MYO19: variants seen among roughly 807,000 people sequenced by gnomAD.
MYO19 encodes myosin XIX, also known as unconventional myosin-XIX.
MYO19 carries 132 observed loss-of-function variants against 129.2 expected under a neutral mutation model. The ratio of observed to expected loss-of-function variants is 1.02; its 90% CI spans 0.89 to 1.18. The LOEUF is 1.18. Among genes scored for constraint, MYO19 ranks in the 50% most tolerant of loss-of-function variants. The probability of loss-of-function intolerance (pLI) is 0.00; values close to 1 mark genes in which losing one functional copy is unlikely to be tolerated. For missense variants in MYO19, 1,210 were observed against 1,216.7 expected (o/e 0.99, Z 0.08); for synonymous variants, 531 against 477.2 (o/e 1.11, Z -1.47).
intron 6 of MYO19, among the ~76,000 whole-genome samples, chr17:36,524,088 C>T (rs1412475909): frequency 6.6e-6 from 1 of 152,148 alleles, no homozygotes; most frequent in African/African-American, 2.4e-5. Flanking sequence ...GAGTCTTGGA[C>T]CAGGTTCAGC....
chr17:36,521,206 G>GC (rs2073110212), intron 6 of MYO19, among the ~76,000 whole-genome samples: 1 of 152,060 alleles, frequency 6.6e-6, no homozygotes, highest in Non-Finnish European at 1.5e-5. Flanking sequence ...TTACAGTGAG[G>GC]CCCCATTGGT....
intron 11 of MYO19, chr17:36,513,082 G>A: frequency 6.9e-6 from 9 of 1,299,852 alleles, no homozygotes; most frequent in East Asian, 3.3e-5. Flanking sequence ...AGTGAGCAGA[G>A]AAGTGTGAAC....
At chr17:36,506,216 G>C (rs1350668500) in intron 18 of MYO19, among the ~76,000 whole-genome samples, 1 of 152,120 alleles carries the variant, frequency 6.6e-6, no homozygotes, top group African/African-American at 2.4e-5. Flanking sequence ...GGCAGGGGGT[G>C]AGAGGCTGCA....
chr17:36,506,310 G>T (rs1267663215), intron 18 of MYO19, 146 bp downstream of exon 18: 28 of 952,716 alleles, frequency 2.9e-5, no homozygotes, highest in Admixed American at 5.6e-5. Flanking sequence ...CCACACTGAA[G>T]TATAAACTCC....
intron 23 of MYO19, 65 bp from the exon 24 acceptor site, chr17:36,499,225 C>G (rs2005488): frequency 0.15 from 175,053 of 1,191,802 alleles, 15,435 homozygotes; most frequent in African/African-American, 0.33. Flanking sequence ...TCAGTGACCT[C>G]GCTGCAGCAG....
chr17:36,527,840 T>C, intron 4 of MYO19, 141 bp from the exon 5 acceptor site: 2 of 1,132,642 alleles, frequency 1.8e-6, no homozygotes, highest in Non-Finnish European at 2.5e-6. Context: ...GAAGAAAAGA[T>C]ACAAGATCTA....
intron 5 of MYO19, 69 bp downstream of exon 5, chr17:36,527,482 G>T (rs1483879450): frequency 1.3e-6 from 2 of 1,525,484 alleles, no homozygotes; most frequent in Non-Finnish European, 1.8e-6. Flanking sequence ...ATAAGGACAG[G>T]GGTAACTGCA....
chr17:36,529,806 A>C (rs1280417231), intron 3 of MYO19, among the ~76,000 whole-genome samples: 1 of 152,238 alleles, frequency 6.6e-6, no homozygotes, highest in Non-Finnish European at 1.5e-5. Context: ...ATAGTGATCA[A>C]GTACCTGGAC....
At chr17:36,511,960 G>A (rs964306114) in intron 11 of MYO19, among the ~76,000 whole-genome samples, 3 of 152,142 alleles carry the variant, frequency 2.0e-5, no homozygotes, top group African/African-American at 7.2e-5. Context: ...TCCGATGGGT[G>A]CCCCTTTGCC....
chr17:36,516,606 G>A (rs972411533), intron 6 of MYO19, among the ~76,000 whole-genome samples: 13 of 152,094 alleles, frequency 8.5e-5, no homozygotes, highest in South Asian at 2.1e-4. Flanking sequence ...TCCTGACCTC[G>A]TAATCTGCCC....
chr17:36,499,671 T>TTTTTTC (rs2071357903), intron 23 of MYO19: 1 of 106,350 alleles, frequency 9.4e-6, no homozygotes, highest in Non-Finnish European at 1.9e-5. Flanking sequence ...TTTCTTTTTT[T>TTTTTTC]TTTTTTTTTT....
intron 5 of MYO19, among the ~76,000 whole-genome samples, chr17:36,525,803 C>T (rs1418957058): frequency 1.3e-5 from 2 of 152,180 alleles, no homozygotes; most frequent in African/African-American, 2.4e-5. Context: ...ATTTAAATTC[C>T]AAAGCCACTG....
At chr17:36,497,544 T>C in intron 25 of MYO19, 1 of 985,206 alleles carries the variant, frequency 1.0e-6, no homozygotes, top group Non-Finnish European at 1.2e-6. Context: ...GTCTCGTGAA[T>C]TTTTCCTCTT....
intron 14 of MYO19, chr17:36,508,185 G>T: frequency 3.1e-6 from 1 of 322,624 alleles, no homozygotes; most frequent in Non-Finnish European, 5.6e-6. Flanking sequence ...ACAGCCCAGA[G>T]CATCAGGCCC....
intron 6 of MYO19, among the ~76,000 whole-genome samples, chr17:36,521,344 T>C (rs1253000690): frequency 6.6e-6 from 1 of 152,140 alleles, no homozygotes; most frequent in Non-Finnish European, 1.5e-5. Flanking sequence ...TCATAAATGT[T>C]AGAAAAAAAC....
At position 36,496,138 on chromosome 17, in the gene MYO19, G is replaced by GT; in HGVS notation, c.*112dup. The GT allele has an allele frequency of 2.8e-6, 4 of 1,407,862 alleles. No homozygotes were observed. Among genetic ancestry groups the GT allele is most frequent in the Non-Finnish European group, 3.9e-6 (4 of 1,017,516 alleles). 87.2% of individuals were successfully genotyped at this position (1,407,862 alleles called of 1,614,324 possible). ...GTCGAAGGCTGGAGCCGTCACTGTT[G>GT]TTCATGTGCATTTGGAGCACTGTGG... On this transcript the variant is annotated 3_prime_UTR_variant, in exon 26 of 26. Coordinates refer to ENST00000614623, the MANE Select transcript of MYO19 (RefSeq NM_001163735.2).
intron 7 of MYO19, 47 bp downstream of exon 7, chr17:36,515,811 C>T (rs760865256): frequency 1.1e-5 from 18 of 1,569,972 alleles, no homozygotes; most frequent in Non-Finnish European, 1.3e-5. Context: ...GTGGAAAATC[C>T]CAGAGGAAAT....
chr17:36,510,737 AC>A lies in MYO19; in HGVS notation c.1157+8del, dbSNP rs767109186. The A allele has an allele frequency of 1.9e-6, 3 of 1,588,388 alleles. No homozygotes were observed. In the East Asian group the frequency reaches 6.8e-5, roughly 36 times the overall value. On this transcript the variant is annotated splice_region_variant and intron_variant, in intron 13 of 25. Coordinates refer to ENST00000614623, the MANE Select transcript of MYO19 (RefSeq NM_001163735.2). Reference sequence around the variant, plus strand: ...TCCTCCCCAACAAGGGGCCAGAGTAACTGCTCACCGCGCATAGATCAGTTTG... The same window carrying A: ...TCCTCCCCAACAAGGGGCCAGAGTAATGCTCACCGCGCATAGATCAGTTTG...
At chr17:36,497,374 C>T (rs1035418943) in intron 25 of MYO19, among the ~76,000 whole-genome samples, 13 of 150,536 alleles carry the variant, frequency 8.6e-5, no homozygotes, top group African/African-American at 3.2e-4. Flanking sequence ...CTTGTCATTT[C>T]GTCAGCCAGA....
Sources: gnomAD v4.1 joint callset for allele counts (sites outside exome capture counted in the v4.1 genomes callset) on GRCh38, gnomAD v4.1.1 for gene constraint, MANE v1.5 for transcripts, NCBI Gene and HGNC (gene_info 2026-07-23, HGNC 2026-07-21) for gene names.